The following KRTAP4-7 variants were observed in gnomAD, a reference collection of about 807,000 sequenced individuals.
KRTAP4-7 encodes the protein keratin associated protein 4-7.
Under a neutral mutation model 3.0 loss-of-function variants are expected in KRTAP4-7, and 1 was observed. The ratio of observed to expected loss-of-function variants is 0.33; its 90% CI spans 0.12 to 1.57. The LOEUF is 1.57. Ranked by LOEUF, KRTAP4-7 falls within the 40% of genes most tolerant of loss-of-function variation. The pLI is 0.37. For synonymous variants in KRTAP4-7, 70 were observed against 74.6 expected, an observed-to-expected ratio of 0.94 and a Z score of 0.32; for missense variants, 199 against 209.1, an observed-to-expected ratio of 0.95 and a Z score of 0.30.
At chr17:41,084,317 C>T in exon 1 of KRTAP4-7, 1 of 1,614,046 alleles carries the variant, frequency 6.2e-7, no homozygotes, top group Non-Finnish European at 8.5e-7. Context: ...GTTGCAGGAC[C>T]ACCTGCTACC....
In KRTAP4-7 at chr17:41,084,196, G is replaced by A. The variant is rs370738573; in HGVS notation, c.-11G>A. 1.1e-4 allele frequency: 173 copies of A among 1,597,506 alleles called. No homozygotes were observed. In the East Asian group the frequency reaches 1.2e-3, roughly 11 times the overall value. ...TTGGAAACCCACCCAGATCCTCCCC[G>A]TTCTGACACCATGGTCAGCTCCTGT... On this transcript the variant is annotated 5_prime_UTR_variant, in exon 1 of 1. Coordinates refer to ENST00000391417, the Ensembl canonical transcript of KRTAP4-7.
chr17:41,084,313 G>A (rs772385085), exon 1 of KRTAP4-7: 4 of 1,613,816 alleles, frequency 2.5e-6, no homozygotes, highest in Non-Finnish European at 3.4e-6. Flanking sequence ...ACCTGTTGCA[G>A]GACCACCTGC....
chr17:41,085,009 T>A (rs895312919), exon 1 of KRTAP4-7: 33 of 425,796 alleles, frequency 7.8e-5, no homozygotes, highest in African/African-American at 6.6e-4. Context: ...GTAGATATTA[T>A]CTGCAGGACC....
exon 1 of KRTAP4-7, chr17:41,084,459 T>C (rs2013605012): frequency 6.6e-7 from 1 of 1,510,960 alleles, no homozygotes; most frequent in Non-Finnish European, 9.1e-7. Context: ...CTCCAGCTGC[T>C]GCCGCCCCAG....
chr17:41,084,288 A>T, exon 1 of KRTAP4-7: 1 of 1,613,816 alleles, frequency 6.2e-7, no homozygotes, highest in Non-Finnish European at 8.5e-7. Context: ...CTGCCGCCCC[A>T]GCTGCTGTCA....
chr17:41,084,350 C>T, exon 1 of KRTAP4-7: 2 of 1,608,072 alleles, frequency 1.2e-6, no homozygotes, highest in Non-Finnish European at 1.7e-6. Context: ...GTGTGTCCAG[C>T]TGCTGCAGGC....
rs773918514 is a variant in KRTAP4-7, at chr17:41,084,446, C to T, written c.240C>T (p.Cys80=). 15 of 1,405,800 alleles carry T rather than the reference C, an allele frequency of 1.1e-5. No homozygotes were observed. In the East Asian group the frequency reaches 4.0e-4, roughly 38 times the overall value. 87.1% of individuals were successfully genotyped at this position (1,405,800 alleles called of 1,614,324 possible). A position where few individuals can be genotyped will look rare whatever the true frequency, so the allele number is the denominator to read the frequency against. Residue 80 remains cysteine (C), a synonymous_variant, in exon 1 of 1, where the codon TGC becomes TGT. Transcript: ENST00000391417. ...CGACCTGCTGCCACCCTAGGTGCTG[C>T]ATCTCCAGCTGCTGCCGCCCCAGCT...
At chr17:41,084,795 G>A in exon 1 of KRTAP4-7, 4 of 1,405,180 alleles carry the variant, frequency 2.8e-6, no homozygotes, top group Non-Finnish European at 3.8e-6. Context: ...TGGACCTTAT[G>A]CTTCCAAAGA....
chr17:41,084,506 C>T, exon 1 of KRTAP4-7: 1 of 1,572,860 alleles, frequency 6.4e-7, no homozygotes, highest in Non-Finnish European at 8.7e-7. Context: ...CCCAGTGCTG[C>T]CAGTCTGTGT....
chr17:41,084,766 T>A, exon 1 of KRTAP4-7: 1 of 1,475,960 alleles, frequency 6.8e-7, no homozygotes, highest in South Asian at 1.4e-5. Flanking sequence ...TGAAGTGGGG[T>A]TGATGTCATT....
At chr17:41,084,862 C>G (rs1322333905) in exon 1 of KRTAP4-7, 12 of 962,796 alleles carry the variant, frequency 1.2e-5, no homozygotes, top group Non-Finnish European at 1.7e-5. Context: ...TAAACTCCCT[C>G]CTTTGCTTTC....
chr17:41,084,772 T>G (rs1177192901), exon 1 of KRTAP4-7: 1 of 1,468,174 alleles, frequency 6.8e-7, no homozygotes, highest in Non-Finnish European at 9.1e-7. Context: ...GGGGTTGATG[T>G]CATTCAATAG....
At chr17:41,084,343 T>C (rs2013599586) in exon 1 of KRTAP4-7, 2 of 1,608,064 alleles carry the variant, frequency 1.2e-6, no homozygotes, top group Non-Finnish European at 1.7e-6. Context: ...AGCTGTTGTG[T>C]GTCCAGCTGC....
rs915205521 is a variant in KRTAP4-7 at position 41,084,691 on chromosome 17, C to T, written c.*17C>T. On this transcript the variant is annotated 3_prime_UTR_variant, in exon 1 of 1. Coordinates refer to ENST00000391417, the Ensembl canonical transcript of KRTAP4-7. Reference sequence around the variant, plus strand: ...TGCTGCTGAGCCCACTGCCCTGGCTCACGTCCCCCTTCACCACTGGCCCAC... The same window carrying T: ...TGCTGCTGAGCCCACTGCCCTGGCTTACGTCCCCCTTCACCACTGGCCCAC... 2.4e-5 allele frequency: 38 copies of T among 1,571,520 alleles called. No individual in the cohort carries two copies. In the African/African-American group the frequency reaches 4.3e-4, roughly 18 times the overall value.
At chr17:41,085,038 G>T in exon 1 of KRTAP4-7, 1 of 350,638 alleles carries the variant, frequency 2.9e-6, no homozygotes, top group East Asian at 5.7e-5. Flanking sequence ...CACTGATGTT[G>T]CACCCTCAGA....
At chr17:41,085,006 T>C in exon 1 of KRTAP4-7, 1 of 440,624 alleles carries the variant, frequency 2.3e-6, no homozygotes, top group East Asian at 4.2e-5. Flanking sequence ...GAGGTAGATA[T>C]TATCTGCAGG....
At chr17:41,084,196 G>C in exon 1 of KRTAP4-7, 1 of 1,597,532 alleles carries the variant, frequency 6.3e-7, no homozygotes, top group Non-Finnish European at 8.5e-7. Context: ...GATCCTCCCC[G>C]TTCTGACACC....
exon 1 of KRTAP4-7, chr17:41,084,748 A>G: frequency 6.7e-7 from 1 of 1,499,064 alleles, no homozygotes; most frequent in Non-Finnish European, 8.9e-7. Context: ...GCTGACCATT[A>G]GGATACATGA....
chr17:41,084,718 G>A, exon 1 of KRTAP4-7: 1 of 1,543,936 alleles, frequency 6.5e-7, no homozygotes, highest in Non-Finnish European at 8.7e-7. Flanking sequence ...CTGGCCCACA[G>A]ATGTAGACCC....
Sources: allele counts gnomAD v4.1 joint callset, GRCh38; gene constraint gnomAD v4.1.1; transcripts MANE v1.5; gene names NCBI Gene and HGNC (gene_info 2026-07-23, HGNC 2026-07-21).